ZNF227: variants seen among roughly 807,000 people sequenced by gnomAD.
ZNF227 encodes zinc finger protein 227.
ZNF227 carries 12 observed loss-of-function variants against 13.2 expected under a neutral mutation model. The observed-to-expected ratio is 0.91, with a 90% CI of 0.58 to 1.47. The LOEUF (loss-of-function observed/expected upper bound fraction) is 1.47, where lower values mean the gene tolerates loss of function less well. Ranked by LOEUF, ZNF227 falls within the 40% of genes most tolerant of loss-of-function variation. ZNF227 has a pLI of 0.00. For missense variants in ZNF227, 885 were observed against 967.5 expected, an observed-to-expected ratio of 0.91 and a Z score of 1.13; for synonymous variants, 338 against 326.0, an observed-to-expected ratio of 1.04 and a Z score of -0.40.
intron 4 of ZNF227, chr19:44,228,788 G>T: frequency 2.0e-6 from 1 of 507,484 alleles, no homozygotes; most frequent in South Asian, 5.4e-5. Flanking sequence ...GGGTGATTTC[G>T]CCCCCAGAAG....
Position 44,236,279 on chromosome 19 carries a change from A to T in ZNF227, c.1849A>T (p.Ile617Leu). The T allele has an allele frequency of 6.2e-7, 1 of 1,613,708 alleles. No individual in the cohort carries two copies. The highest frequency in any genetic ancestry group is 8.5e-7 in the Non-Finnish European group (1 of 1,179,888). ...EQCDKSFSQAIDFRVHQRVHT... is the reference protein window; with the variant it reads ...EQCDKSFSQALDFRVHQRVHT... ...GTGTGATAAGAGCTTCAGTCAGGCC[A>T]TAGATTTTCGGGTACATCAGAGAGT... is the stretch of plus-strand genomic sequence containing the variant. Residue 617 changes from isoleucine (I) to leucine (L), a missense_variant, in exon 6 of 6, where the codon ATA (isoleucine) becomes TTA (leucine). Transcript: ENST00000313040.
chr19:44,221,294 G>C (rs975576659), intron 3 of ZNF227, among the ~76,000 whole-genome samples: 2 of 152,142 alleles, frequency 1.3e-5, no homozygotes, highest in African/African-American at 4.8e-5. Context: ...GGATGGCTGG[G>C]TCAAATGGTA....
chr19:44,228,524 C>G lies in ZNF227; in HGVS notation c.139C>G (p.Leu47Val), dbSNP rs751945095. ...LRLLDLTQRK[L>V]YRDVMVENFK... ...ACTGCTCGATCTTACCCAGAGGAAG[C>G]TGTACCGAGATGTCATGGTGGAGAA... Residue 47 changes from leucine (L) to valine (V), a missense_variant, in exon 4 of 6, where the codon CTG becomes GTG. Transcript: ENST00000313040. 7 of 1,613,780 alleles carry G rather than the reference C, an allele frequency of 4.3e-6. No individual in the cohort carries two copies. The highest frequency in any genetic ancestry group is 5.9e-6 in the Non-Finnish European group (7 of 1,179,946).
chr19:44,210,207 T>C (rs1157767144), upstream of ZNF227, among the ~76,000 whole-genome samples: 1 of 152,254 alleles, frequency 6.6e-6, no homozygotes, highest in Non-Finnish European at 1.5e-5. Context: ...CAAAAGTTGA[T>C]GCATGGTTAT....
At chr19:44,225,475 C>CT (rs1490454463) in intron 3 of ZNF227, among the ~76,000 whole-genome samples, 2 of 152,110 alleles carry the variant, frequency 1.3e-5, no homozygotes, top group East Asian at 3.9e-4. Context: ...TCTTTTTATT[C>CT]TTTTTTCTCT....
intron 3 of ZNF227, among the ~76,000 whole-genome samples, chr19:44,224,484 T>C (rs894585435): frequency 3.9e-5 from 6 of 152,160 alleles, no homozygotes; most frequent in Non-Finnish European, 7.4e-5. Context: ...TTAGGATAGT[T>C]AGCTCTTGTT....
chr19:44,235,352 A>T lies in ZNF227; in HGVS notation c.922A>T (p.Lys308Ter). 1 of 1,614,190 alleles carries T rather than the reference A, an allele frequency of 6.2e-7. No homozygotes were observed. Among genetic ancestry groups the T allele is most frequent in the Non-Finnish European group, 8.5e-7 (1 of 1,180,014 alleles). Residue 308 changes from lysine (K) to a stop codon, truncating the protein, a stop_gained, in exon 6 of 6, where the codon AAG becomes TAG. Coordinates refer to ENST00000313040, the MANE Select transcript of ZNF227 (RefSeq NM_182490.3). LOFTEE classifies it low-confidence loss of function (END_TRUNC). ...RCHESGDCFNKSSFHSYQSNH... is the reference protein window; with the variant it reads ...RCHESGDCFN ...TCATGAATCTGGTGATTGCTTCAATAAGAGCTCTTTTCATTCTTATCAATC... is the reference window on the plus strand; with the variant it reads ...TCATGAATCTGGTGATTGCTTCAATTAGAGCTCTTTTCATTCTTATCAATC...
intron 2 of ZNF227, among the ~76,000 whole-genome samples, chr19:44,214,479 A>G (rs1472312037): frequency 6.6e-6 from 1 of 151,884 alleles, no homozygotes; most frequent in Non-Finnish European, 1.5e-5. Flanking sequence ...CCCAGGTTCA[A>G]GTGATTCTCC....
At chr19:44,229,593 T>C (rs1307479368) in intron 4 of ZNF227, 140 bp from the exon 5 acceptor site, 9 of 397,566 alleles carry the variant, frequency 2.3e-5, no homozygotes, top group Admixed American at 4.7e-5. Flanking sequence ...GCCTGGGCGA[T>C]AGAGTGAGAC....
In ZNF227 at chr19:44,236,063, G is replaced by A; in HGVS notation, c.1633G>A (p.Glu545Lys). Residue 545 changes from glutamate (E) to lysine (K), a missense_variant, in exon 6 of 6, where the codon GAG becomes AAG. Physicochemically the swap from Glu to Lys is moderately conservative, Grantham distance 56. Transcript: ENST00000313040. ...AACCCATCAGCGAGTCCACACTGGAGAGAAACCATATAGATGTGATGTGTG... is the reference window on the plus strand; with the variant it reads ...AACCCATCAGCGAGTCCACACTGGAAAGAAACCATATAGATGTGATGTGTG... Reference protein sequence around the residue: ...LQTHQRVHTGEKPYRCDVCGK... With the variant: ...LQTHQRVHTGKKPYRCDVCGK... The A allele has an allele frequency of 6.2e-7, 1 of 1,614,160 alleles. No homozygotes were observed. Among genetic ancestry groups the A allele is most frequent in the Non-Finnish European group, 8.5e-7 (1 of 1,180,016 alleles).
chr19:44,207,682 G>C (rs1971242507), upstream of ZNF227: 1 of 152,462 alleles, frequency 6.6e-6, no homozygotes, highest in Admixed American at 6.5e-5. Flanking sequence ...TAGAGAAGCT[G>C]TGGCCAGCTG....
intron 3 of ZNF227, among the ~76,000 whole-genome samples, chr19:44,226,199 G>A (rs1384761335): frequency 6.6e-6 from 1 of 152,206 alleles, no homozygotes; most frequent in Non-Finnish European, 1.5e-5. Context: ...CTACTGGGGG[G>A]GTGTCTCCCA....
At chr19:44,212,390 T>TTTTTTTTTTTTTG, upstream of ZNF227, 1 of 147,450 alleles carries the variant, frequency 6.8e-6, no homozygotes, top group African/African-American at 2.6e-5. Context: ...TTTTTTTTTT[T>TTTTTTTTTTTTTG]TCAAGCGCGA....
intron 3 of ZNF227, among the ~76,000 whole-genome samples, chr19:44,227,702 TAAAG>T (rs1316824217): frequency 1.3e-5 from 2 of 152,262 alleles, no homozygotes; most frequent in Non-Finnish European, 2.9e-5. Context: ...GATACAATGA[TAAAG>T]AAGAGGAAAT....
intron 3 of ZNF227, among the ~76,000 whole-genome samples, chr19:44,220,223 A>G (rs1972339863): frequency 1.3e-5 from 2 of 152,168 alleles, no homozygotes; most frequent in African/African-American, 4.8e-5. Context: ...TATTGTGAAT[A>G]GTGCCAGAAT....
intron 2 of ZNF227, among the ~76,000 whole-genome samples, chr19:44,214,026 G>T (rs923992000): frequency 1.3e-5 from 2 of 152,112 alleles, no homozygotes; most frequent in Admixed American, 6.5e-5. Flanking sequence ...CAAAAACTTT[G>T]TACAAAAAAT....
At chr19:44,233,662 G>A (rs555296898) in intron 5 of ZNF227, among the ~76,000 whole-genome samples, 7 of 152,146 alleles carry the variant, frequency 4.6e-5, no homozygotes, top group Non-Finnish European at 8.8e-5. Context: ...CTGGGAGGCC[G>A]AGGTGGGCAG....
intron 3 of ZNF227, among the ~76,000 whole-genome samples, chr19:44,226,251 T>A (rs1973143001): frequency 6.6e-6 from 1 of 152,214 alleles, no homozygotes; most frequent in African/African-American, 2.4e-5. Flanking sequence ...CAGGAGGCAG[T>A]CTGCCGGATC....
chr19:44,225,564 C>T (rs1973036158), intron 3 of ZNF227, among the ~76,000 whole-genome samples: 1 of 152,160 alleles, frequency 6.6e-6, no homozygotes, highest in African/African-American at 2.4e-5. Flanking sequence ...CGCATCGGCT[C>T]CTGAGGCTTC....
Sources: gnomAD v4.1 joint callset for allele counts (sites outside exome capture counted in the v4.1 genomes callset) on GRCh38, gnomAD v4.1.1 for gene constraint, MANE v1.5 for transcripts, NCBI Gene and HGNC (gene_info 2026-07-23, HGNC 2026-07-21) for gene names.